The following RFX1 variants were observed in gnomAD, a reference collection of about 807,000 sequenced individuals.
RFX1 encodes MHC class II regulatory factor RFX1.
RFX1 carries 42 observed loss-of-function variants against 119.6 expected under a neutral mutation model. The ratio of observed to expected loss-of-function variants is 0.35; its 90% confidence interval spans 0.27 to 0.45. The LOEUF (loss-of-function observed/expected upper bound fraction) is 0.45, where lower values mean the gene tolerates loss of function less well. Among genes scored for constraint, RFX1 ranks in the 20% least tolerant of loss-of-function variants. RFX1 has a pLI of 1.00. For synonymous variants in RFX1, 628 were observed against 618.5 expected, an observed-to-expected ratio of 1.02 and a Z score of -0.23; for missense variants, 1,118 against 1,368.1, an observed-to-expected ratio of 0.82 and a Z score of 2.88.
In RFX1 at chr19:13,986,407, G is replaced by A. The variant is rs548332096; in HGVS notation, c.320-2812C>T. Among the ~76,000 whole-genome samples, 4 of 152,336 alleles carry A rather than the reference G, an allele frequency of 2.6e-5. No homozygotes were observed. In the East Asian group the frequency reaches 5.8e-4, roughly 22 times the overall value. ...ACCCCGCCTGCCAGCCCAGGAGGGC[G>A]CCAGGGGATGCGCCACGAGGCTAAC... On this transcript the variant is annotated intron_variant, in intron 2 of 20. Transcript: ENST00000254325. The surrounding 1 kb of genome is among the most constrained non-coding windows in gnomAD (Gnocchi z 4.2).
rs1973694951 is a variant in RFX1 at position 13,962,048 on chromosome 19, G to A, written c.*647C>T. The stretch of plus-strand genomic sequence containing the variant: ...GCGGCTCGCTGCTCTTTGGAAGCTG[G>A]AGGCCGTGCCCCCTGCCGCCCTCCT... On this transcript the variant is annotated 3_prime_UTR_variant, in exon 21 of 21. Coordinates refer to ENST00000254325, the MANE Select transcript of RFX1 (RefSeq NM_002918.5). The A allele has an allele frequency of 6.6e-6, 1 of 152,314 alleles. No individual in the cohort carries two copies. The highest frequency in any genetic ancestry group is 1.5e-5 in the Non-Finnish European group (1 of 68,092). 9.4% of individuals were successfully genotyped at this position (152,314 alleles called of 1,614,324 possible).
chr19:13,968,939 G>T lies in RFX1; in HGVS notation c.1497-45C>A. On this transcript the variant is annotated intron_variant, in intron 10 of 20. Coordinates refer to ENST00000254325, the MANE Select transcript of RFX1 (RefSeq NM_002918.5). The surrounding 1 kb of genome is among the most constrained non-coding windows in gnomAD (Gnocchi z 5.5). ...GAAGGGCTGGGCTGGGGGTCTGCCG[G>T]CTGGCCGGCCATGGAGCACCTCACA... is the stretch of plus-strand genomic sequence containing the variant. 6.5e-7 allele frequency: 1 copy of T among 1,535,774 alleles called. No individual in the cohort carries two copies.
chr19:13,982,680 T>A (rs1568471078), intron 4 of RFX1, among the ~76,000 whole-genome samples: 1 of 152,186 alleles, frequency 6.6e-6, no homozygotes, highest in Non-Finnish European at 1.5e-5. Flanking sequence ...GGTGCACACC[T>A]GTAGTCTCAG....
intron 2 of RFX1, among the ~76,000 whole-genome samples, chr19:13,988,892 C>T (rs1321839715): frequency 2.0e-5 from 3 of 152,006 alleles, no homozygotes; most frequent in Non-Finnish European, 2.9e-5. Context: ...TGTGGTGGTG[C>T]GCCCCTGTAA....
In RFX1 at chr19:13,980,874, C is replaced by T. The variant is rs1402502153; in HGVS notation, c.622-185G>A. ...GCATCCAAATGCCTACTCCCTGCAACAGTCCCAGTCAACTCCCAGCAATGA... is the reference window on the plus strand; with the variant it reads ...GCATCCAAATGCCTACTCCCTGCAATAGTCCCAGTCAACTCCCAGCAATGA... On this transcript the variant is annotated intron_variant, in intron 5 of 20. Transcript: ENST00000254325. This position sits in a 1 kb window ranked among gnomAD's most constrained non-coding sequence, Gnocchi z 5.1. Among the ~76,000 whole-genome samples the T allele has an allele frequency of 6.6e-6, 1 of 152,224 alleles. No individual in the cohort carries two copies. Among genetic ancestry groups the T allele is most frequent in the Non-Finnish European group, 1.5e-5 (1 of 68,042 alleles).
chr19:13,963,896 G>A lies in RFX1; in HGVS notation c.2323C>T (p.Leu775=). 1 of 1,549,678 alleles carries A rather than the reference G, an allele frequency of 6.5e-7. No homozygotes were observed. The highest frequency in any genetic ancestry group is 1.2e-5 in the South Asian group (1 of 84,128). Residue 775 remains leucine, a synonymous_variant, in exon 17 of 21, where the codon CTG becomes TTG. Coordinates refer to ENST00000254325, the MANE Select transcript of RFX1 (RefSeq NM_002918.5). Reference sequence around the variant, plus strand: ...AAGTCCACGCGGTTGAGGTCGCTCAGCATCTGGTTGATCTGTGCGGTGTTC... The same window carrying A: ...AAGTCCACGCGGTTGAGGTCGCTCAACATCTGGTTGATCTGTGCGGTGTTC... ...LQNTAQINQM[L]SDLNRVDFAN... is the part of the protein sequence containing the mutation.
Position 14,003,353 on chromosome 19 carries a change from A to G in RFX1, c.-53+2750T>C, listed in dbSNP as rs189788836. Reference sequence around the variant, plus strand: ...AGAACAGCCATTCAGCAGCCAGGGGAGTGACTTTCCCACTACAAACTGGAT... The same window carrying G: ...AGAACAGCCATTCAGCAGCCAGGGGGGTGACTTTCCCACTACAAACTGGAT... On this transcript the variant is annotated intron_variant, in intron 1 of 20. Transcript: ENST00000254325. 1.8e-3 allele frequency among the ~76,000 whole-genome samples: 217 copies of G among 121,186 alleles called. 1 individual carries two copies. The highest frequency in any genetic ancestry group is 5.4e-3 in the African/African-American group (117 of 21,744). The allele number at this position is 121,186 out of a possible 152,430, so 79.5% of individuals were successfully genotyped here.
rs1475616768 is a variant in RFX1, at chr19:13,962,736, C to T, written c.2899G>A (p.Asp967Asn). 6 of 1,530,002 alleles carry T rather than the reference C, an allele frequency of 3.9e-6. No homozygotes were observed. In the East Asian group the frequency reaches 1.2e-4, roughly 31 times the overall value. The allele number at this position is 1,530,002 out of a possible 1,614,324, so 94.8% of individuals were successfully genotyped here. Residue 967 changes from aspartate (D) to asparagine (N), a missense_variant, in exon 21 of 21, where the codon GAC (aspartate) becomes AAC (asparagine). Asp to Asn is a conservative substitution (Grantham distance 23). This residue lies in a region of RFX1 where 138 missense variants were observed against 117.8 expected (regional missense o/e 1.17). Coordinates refer to ENST00000254325, the MANE Select transcript of RFX1 (RefSeq NM_002918.5). ...LEPPAKLART[D>N]ARGLFVQALP... ...GCCTGCACGAAGAGGCCGCGCGCGT[C>T]AGTCCGCGCCAGCTTGGCCGGCGGC...
intron 20 of RFX1, 26 bp from the exon 21 acceptor site, chr19:13,962,890 TCGGGG>T (rs1411976238): frequency 6.5e-7 from 1 of 1,534,696 alleles, no homozygotes; most frequent in South Asian, 1.2e-5. Context: ...CAAGTCCGGC[TCGGGG>T]CGGGGTGGCA....
chr19:13,977,716 CT>C (rs921939703), intron 8 of RFX1, among the ~76,000 whole-genome samples: 734 of 135,672 alleles, frequency 5.4e-3, no homozygotes, highest in African/African-American at 6.9e-3. Flanking sequence ...CGTGCCTGGC[CT>C]TTTTTTTTTT....
In RFX1 at chr19:13,999,677, G is replaced by T. The variant is rs566003642; in HGVS notation, c.-52-5782C>A. Among the ~76,000 whole-genome samples the T allele has an allele frequency of 9.7e-3, 1,442 of 147,970 alleles. 30 individuals are homozygous for T. Among genetic ancestry groups the T allele is most frequent in the African/African-American group, 0.034 (1,352 of 39,878 alleles). ...TTGTTGAACCCTGTGTTTTTTTTTT[G>T]TTTTTTTTTGTTTTTGAGGCAAAGT... is the stretch of plus-strand genomic sequence containing the variant. On this transcript the variant is annotated intron_variant, in intron 1 of 20. Coordinates refer to ENST00000254325, the MANE Select transcript of RFX1 (RefSeq NM_002918.5).
intron 8 of RFX1, among the ~76,000 whole-genome samples, chr19:13,975,213 C>T (rs770472762): frequency 3.3e-5 from 5 of 151,874 alleles, no homozygotes; most frequent in Non-Finnish European, 7.4e-5. Flanking sequence ...AAAAGTTAGC[C>T]GGGTGTGGTG....
Position 13,969,877 on chromosome 19 carries a change from G to C in RFX1, c.1496+117C>G. 9.4e-7 allele frequency: 1 copy of C among 1,069,444 alleles called. No homozygotes were observed. Among genetic ancestry groups the C allele is most frequent in the Admixed American group, 2.9e-5 (1 of 34,616 alleles). 66.2% of individuals were successfully genotyped at this position (1,069,444 alleles called of 1,614,324 possible). On this transcript the variant is annotated intron_variant, in intron 10 of 20. Transcript: ENST00000254325. The surrounding 1 kb of genome is among the most constrained non-coding windows in gnomAD (Gnocchi z 4.5). ...GTGAGCGGGGCTGTCGAGGAGCCTCGCAGAGGCCGGCGGGACTGGGCTGGA... is the reference window on the plus strand; with the variant it reads ...GTGAGCGGGGCTGTCGAGGAGCCTCCCAGAGGCCGGCGGGACTGGGCTGGA...
At chr19:13,997,370 C>T (rs1162750507) in intron 1 of RFX1, among the ~76,000 whole-genome samples, 1 of 152,190 alleles carries the variant, frequency 6.6e-6, no homozygotes, top group Non-Finnish European at 1.5e-5. Flanking sequence ...TTGAGGAGAG[C>T]CCCTACGGCT....
At position 13,990,896 on chromosome 19, in the gene RFX1, CTG is replaced by C. The variant is rs1340503009; in HGVS notation, c.319+2627_319+2628del. Among the ~76,000 whole-genome samples the C allele has an allele frequency of 6.6e-6, 1 of 152,008 alleles. No individual in the cohort carries two copies. Among genetic ancestry groups the C allele is most frequent in the Admixed American group, 6.6e-5 (1 of 15,252 alleles). On this transcript the variant is annotated intron_variant, in intron 2 of 20. Coordinates refer to ENST00000254325, the MANE Select transcript of RFX1 (RefSeq NM_002918.5). The surrounding 1 kb of genome is among the most constrained non-coding windows in gnomAD (Gnocchi z 4.1). ...TACTTGGGAGGCTGTGAGAGTATCA[CTG>C]AGCCCAGGAGTTGGAGGTTACAGTG...
Position 13,967,327 on chromosome 19 carries a change from ATTG to A in RFX1, c.1733-579_1733-577del, listed in dbSNP as rs368126188. On this transcript the variant is annotated intron_variant, in intron 12 of 20. Transcript: ENST00000254325. ...GCATCCTTTGGCCCTGTTTTCATGG[ATTG>A]TTGTTTACTTTGTCTTTTTTTTTTT... is the stretch of plus-strand genomic sequence containing the variant. Among the ~76,000 whole-genome samples the A allele has an allele frequency of 4.4e-3, 652 of 149,860 alleles. 2 individuals are homozygous for A. Among genetic ancestry groups the A allele is most frequent in the Middle Eastern group, 0.018 (5 of 284 alleles).
At chr19:13,971,104 C>T (rs1011361053) in intron 9 of RFX1, among the ~76,000 whole-genome samples, 6 of 151,836 alleles carry the variant, frequency 4.0e-5, no homozygotes, top group Non-Finnish European at 5.9e-5. Context: ...GAGGCCGAGG[C>T]GGGCGGATCA....
rs1314062056 is a variant in RFX1, at chr19:13,962,844, C to G, written c.2791G>C (p.Glu931Gln). 1.3e-6 allele frequency: 2 copies of G among 1,528,726 alleles called. No individual in the cohort carries two copies. Among genetic ancestry groups the G allele is most frequent in the East Asian group, 2.5e-5 (1 of 40,690 alleles). 94.7% of individuals were successfully genotyped at this position (1,528,726 alleles called of 1,614,324 possible). A position where few individuals can be genotyped will look rare whatever the true frequency, so the allele number is the denominator to read the frequency against. The change falls in exon 21 of 21, where the codon GAG becomes CAG. Residue 931 changes from glutamate to glutamine, a missense_variant. Around this residue, in one of 5 missense-constraint regions of RFX1, gnomAD observed 138 missense variants for 117.8 expected, o/e 1.17. Transcript: ENST00000254325. ...PDKDEEEEEE[E>Q]ESEDELPQDI... ...TGCGGCAGCTCGTCCTCGCTCTCCT[C>G]CTCCTCTTCTTCCTCCTCGTCTGGA... is the stretch of plus-strand genomic sequence containing the variant.
chr19:13,962,916 G>GCTC (rs1205903199), intron 20 of RFX1, 52 bp from the exon 21 acceptor site: 5 of 1,543,316 alleles, frequency 3.2e-6, no homozygotes, highest in Admixed American at 2.0e-5. Flanking sequence ...ACGCCCCCGG[G>GCTC]CTCCTCCTCC....
Sources: gnomAD v4.1 joint callset for allele counts (sites outside exome capture counted in the v4.1 genomes callset) on GRCh38, gnomAD v4.1.1 for gene constraint, gnomAD v4.1.1 regional missense constraint, Gnocchi (gnomAD v3.1) non-coding constraint, MANE v1.5 for transcripts, NCBI Gene and HGNC (gene_info 2026-07-23, HGNC 2026-07-21) for gene names.